EVL: variants seen among roughly 807,000 people sequenced by gnomAD.
The protein encoded by EVL is Enah/Vasp-like.
Under a neutral mutation model 59.6 loss-of-function variants are expected in EVL, and 21 were observed. That is an observed-to-expected ratio of 0.35 (90% confidence interval 0.25 to 0.51). The LOEUF (loss-of-function observed/expected upper bound fraction) is 0.51, where lower values mean the gene tolerates loss of function less well. Among genes scored for constraint, EVL ranks in the 20% least tolerant of loss-of-function variants. EVL has a pLI of 0.97. For synonymous variants in EVL, 198 were observed against 203.5 expected, an observed-to-expected ratio of 0.97 and a Z score of 0.23; for missense variants, 462 against 546.6, an observed-to-expected ratio of 0.85 and a Z score of 1.54.
upstream of EVL, chr14:100,065,406 T>C: frequency 5.5e-6 from 7 of 1,270,936 alleles, no homozygotes; most frequent in Non-Finnish European, 7.0e-6. Flanking sequence ...ATCAAGTTGC[T>C]GTCTTCAGAG....
At chr14:100,072,396 G>A (rs1309574458) in intron 1 of EVL, among the ~76,000 whole-genome samples, 1 of 152,066 alleles carries the variant, frequency 6.6e-6, no homozygotes, top group Non-Finnish European at 1.5e-5. Context: ...CACTACACCT[G>A]GCTAATTTTT....
chr14:100,089,829 A>C (rs2062525750), intron 2 of EVL, among the ~76,000 whole-genome samples: 1 of 152,192 alleles, frequency 6.6e-6, no homozygotes, highest in Non-Finnish European at 1.5e-5. Flanking sequence ...GCTACTCAGG[A>C]GGCTGAAGCT....
intron 1 of EVL, among the ~76,000 whole-genome samples, chr14:100,047,141 T>TTTTTTTTTTTTTTTG (rs2061566131): frequency 7.1e-6 from 1 of 140,596 alleles, no homozygotes; most frequent in Non-Finnish European, 1.5e-5. Flanking sequence ...TTTTTTTTTT[T>TTTTTTTTTTTTTTTG]TTTTACCTGA....
intron 1 of EVL, among the ~76,000 whole-genome samples, chr14:99,997,722 A>T (rs1224768917): frequency 1.3e-5 from 2 of 152,236 alleles, no homozygotes; most frequent in Admixed American, 1.3e-4. Flanking sequence ...TTGCGTTAGA[A>T]GGAAGTGATG....
At chr14:100,140,007 A>C (rs1379892343) in intron 11 of EVL, 1 of 152,192 alleles carries the variant, frequency 6.6e-6, no homozygotes, top group Non-Finnish European at 1.5e-5. Context: ...TCATCCCAGC[A>C]CTTTGGGAGG....
intron 1 of EVL, among the ~76,000 whole-genome samples, chr14:100,024,060 G>T (rs1011830399): frequency 6.6e-6 from 1 of 152,138 alleles, no homozygotes; most frequent in Non-Finnish European, 1.5e-5. Context: ...TTTATTTCCG[G>T]GAGGAATGTA....
chr14:100,103,017 G>T (rs999881416), intron 3 of EVL, among the ~76,000 whole-genome samples: 2 of 150,698 alleles, frequency 1.3e-5, no homozygotes, highest in East Asian at 3.9e-4. Flanking sequence ...CAGGAGAATC[G>T]CTTGAACCCG....
Position 100,128,512 on chromosome 14 carries a change from G to A in EVL, c.488-7G>A. On this transcript the variant is annotated splice_polypyrimidine_tract_variant and splice_region_variant and intron_variant, in intron 5 of 13. Transcript: ENST00000392920. Reference sequence around the variant, plus strand: ...GGAGCTGGCTGAGCCTCACTGTTGTGTTTCAGGGCCCATCCTCCCACCAGG... The same window carrying A: ...GGAGCTGGCTGAGCCTCACTGTTGTATTTCAGGGCCCATCCTCCCACCAGG... 4.3e-6 allele frequency: 7 copies of A among 1,611,704 alleles called. No homozygotes were observed. The highest frequency in any genetic ancestry group is 1.1e-5 in the South Asian group (1 of 90,986).
At position 100,011,488 on chromosome 14, in the gene EVL, C is replaced by A. The variant is rs982584730; in HGVS notation, c.5+39431C>A. 2.0e-5 allele frequency among the ~76,000 whole-genome samples: 3 copies of A among 152,246 alleles called. No individual in the cohort carries two copies. The South Asian group carries it at 6.2e-4, about 32-fold the overall frequency. Reference sequence around the variant, plus strand: ...TTAACCAGTTTTATATCTAACTTTGCAAGATTAATCAGCCTTTGACACATA... The same window carrying A: ...TTAACCAGTTTTATATCTAACTTTGAAAGATTAATCAGCCTTTGACACATA... On this transcript the variant is annotated intron_variant, in intron 1 of 13. Coordinates refer to the EVL transcript ENST00000402714.
rs1888655109 is a variant in EVL at position 100,134,664 on chromosome 14, T to TAA, written c.901-1240_901-1239dup. Reference sequence around the variant, plus strand: ...CCAATTCTCTGCAGTGAACATGCACTAAGTTTATCATTAACAGAGAAGAAA... The same window carrying TAA: ...CCAATTCTCTGCAGTGAACATGCACTAAAAGTTTATCATTAACAGAGAAGAAA... On this transcript the variant is annotated intron_variant, in intron 8 of 13. Coordinates refer to ENST00000392920, the MANE Select transcript of EVL (RefSeq NM_016337.3). 2 of 152,270 alleles carry TAA rather than the reference T, an allele frequency of 1.3e-5. 1 individual carries two copies. Among genetic ancestry groups the TAA allele is most frequent in the Non-Finnish European group, 2.9e-5 (2 of 68,054 alleles). The allele number at this position is 152,270 out of a possible 1,614,324, so 9.4% of individuals were successfully genotyped here. A position where few individuals can be genotyped will look rare whatever the true frequency, so the allele number is the denominator to read the frequency against.
intron 1 of EVL, among the ~76,000 whole-genome samples, chr14:100,052,275 G>A (rs2061659243): frequency 6.6e-6 from 1 of 152,170 alleles, no homozygotes; most frequent in African/African-American, 2.4e-5. Flanking sequence ...GACAGGCTTT[G>A]CCAATTATGT....
chr14:100,069,862 T>C (rs920601857), intron 1 of EVL, among the ~76,000 whole-genome samples: 1 of 152,100 alleles, frequency 6.6e-6, no homozygotes, highest in Admixed American at 6.5e-5. Flanking sequence ...TTACGCTAGT[T>C]ACATGATATA....
chr14:100,012,479 G>T (rs1363834840), intron 1 of EVL, among the ~76,000 whole-genome samples: 1 of 152,178 alleles, frequency 6.6e-6, no homozygotes, highest in Non-Finnish European at 1.5e-5. Context: ...CAGTAAATCA[G>T]GGTGACACTG....
Position 99,973,122 on chromosome 14 carries a change from T to G in EVL, c.5+1065T>G, listed in dbSNP as rs2060746442. Among the ~76,000 whole-genome samples, 5 of 152,344 alleles carry G rather than the reference T, an allele frequency of 3.3e-5. No homozygotes were observed. The South Asian group carries it at 1.0e-3, about 32-fold the overall frequency. The stretch of plus-strand genomic sequence containing the variant: ...GTTATGGATATTGTTGTGTATCTCC[T>G]GGTGCATTCATTTCGATTGGGTAGA... On this transcript the variant is annotated intron_variant, in intron 1 of 13. Coordinates refer to the EVL transcript ENST00000402714.
At chr14:99,975,127 A>G (rs997069329) in intron 1 of EVL, 3 of 152,278 alleles carry the variant, frequency 2.0e-5, no homozygotes, top group African/African-American at 7.2e-5. Flanking sequence ...AGGCCCTCCC[A>G]CTGCACTGGT....
intron 1 of EVL, among the ~76,000 whole-genome samples, chr14:99,982,669 C>A (rs1368027168): frequency 6.6e-6 from 1 of 152,048 alleles, no homozygotes; most frequent in African/African-American, 2.4e-5. Flanking sequence ...CCTCTGTGAG[C>A]GATTCATACG....
At chr14:100,000,744 C>G (rs2060941442) in intron 1 of EVL, among the ~76,000 whole-genome samples, 1 of 152,152 alleles carries the variant, frequency 6.6e-6, no homozygotes, top group Non-Finnish European at 1.5e-5. Context: ...CAGGTTTACC[C>G]TAAGCAGTTC....
intron 1 of EVL, chr14:100,052,841 A>G (rs534262688): frequency 2.3e-4 from 35 of 152,300 alleles, no homozygotes; most frequent in African/African-American, 8.2e-4. Flanking sequence ...GTAGCAAAAT[A>G]CCATAGACTA....
chr14:100,132,234 G>A (rs1198881332), intron 7 of EVL, among the ~76,000 whole-genome samples: 1 of 149,688 alleles, frequency 6.7e-6, no homozygotes, highest in Admixed American at 6.7e-5. Context: ...GGCTCTGAGT[G>A]GCATTCTAGA....
Sources: gnomAD v4.1 joint callset for allele counts (sites outside exome capture counted in the v4.1 genomes callset) on GRCh38, gnomAD v4.1.1 for gene constraint, MANE v1.5 for transcripts, NCBI Gene and HGNC (gene_info 2026-07-23, HGNC 2026-07-21) for gene names.